Variants in PPP1R14C observed in about 807,000 individuals in gnomAD.
PPP1R14C encodes protein phosphatase 1 regulatory subunit 14C.
PPP1R14C carries 16 observed loss-of-function variants against 20.4 expected under a neutral mutation model. The observed-to-expected ratio is 0.78, with a 90% CI of 0.53 to 1.19. PPP1R14C has a LOEUF of 1.19. Among genes scored for constraint, PPP1R14C ranks in the 50% most tolerant of loss-of-function variants. The pLI is 0.00. For synonymous variants in PPP1R14C, 91 were observed against 91.0 expected (o/e 1.00, Z 0.00); for missense variants, 211 against 220.1 (o/e 0.96, Z 0.26).
chr6:150,205,953 T>C (rs916555207), intron 1 of PPP1R14C, among the ~76,000 whole-genome samples: 10 of 152,106 alleles, frequency 6.6e-5, no homozygotes, highest in African/African-American at 2.2e-4. Context: ...CCATAACCCA[T>C]CATGCCTCTG....
chr6:150,198,979 G>C (rs1336655390), intron 1 of PPP1R14C, among the ~76,000 whole-genome samples: 2 of 151,508 alleles, frequency 1.3e-5, no homozygotes, highest in African/African-American at 4.8e-5. Flanking sequence ...TCAGTGACCA[G>C]ACAGAAGTGG....
At position 150,185,496 on chromosome 6, in the gene PPP1R14C, A is replaced by G. The variant is rs1195429165; in HGVS notation, c.307-29248A>G. ...CACTACCATATTCCTAGCACTGAGCATAGAGTCTGACAGATGATGTGTGTG... is the reference window on the plus strand; with the variant it reads ...CACTACCATATTCCTAGCACTGAGCGTAGAGTCTGACAGATGATGTGTGTG... On this transcript the variant is annotated intron_variant, in intron 1 of 3. Transcript: ENST00000361131. The surrounding 1 kb of genome is among the most constrained non-coding windows in gnomAD (Gnocchi z 4.1). Among the ~76,000 whole-genome samples the G allele has an allele frequency of 2.0e-5, 3 of 152,182 alleles. No individual in the cohort carries two copies. Among genetic ancestry groups the G allele is most frequent in the Non-Finnish European group, 4.4e-5 (3 of 68,026 alleles).
At position 150,209,211 on chromosome 6, in the gene PPP1R14C, C is replaced by T. The variant is rs56831510; in HGVS notation, c.307-5533C>T. Among the ~76,000 whole-genome samples the T allele has an allele frequency of 1.6e-4, 24 of 152,326 alleles. No individual in the cohort carries two copies. The East Asian group carries it at 4.6e-3, about 29-fold the overall frequency. ...GGAGACGGATGAGAGCTGTTAGCCA[C>T]AGTCATTTCCAGGAAGCTGCCAAGC... On this transcript the variant is annotated intron_variant, in intron 1 of 3. Transcript: ENST00000361131.
intron 1 of PPP1R14C, among the ~76,000 whole-genome samples, chr6:150,192,944 AC>A (rs1378282987): frequency 1.3e-5 from 2 of 152,164 alleles, no homozygotes; most frequent in African/African-American, 4.8e-5. Context: ...CTAGAGGATG[AC>A]ATGGCACAGT....
intron 1 of PPP1R14C, among the ~76,000 whole-genome samples, chr6:150,162,055 TTTTTTC>T (rs1297341798): frequency 2.7e-5 from 2 of 72,732 alleles, no homozygotes; most frequent in South Asian, 8.6e-4. Flanking sequence ...TTTTCTTTTC[TTTTTTC>T]TTTTTTTTTT....
chr6:150,244,733 C>A, intron 3 of PPP1R14C, among the ~76,000 whole-genome samples: 1 of 152,152 alleles, frequency 6.6e-6, no homozygotes, highest in East Asian at 1.9e-4. Context: ...ATTGAATAGT[C>A]CAGGTCTAGA....
At chr6:150,231,578 A>G (rs538917000) in intron 3 of PPP1R14C, among the ~76,000 whole-genome samples, 1 of 152,326 alleles carries the variant, frequency 6.6e-6, no homozygotes, top group East Asian at 1.9e-4. Flanking sequence ...TCATTTGTAC[A>G]ATCCTTTACT....
At chr6:150,169,156 C>T (rs887682408) in intron 1 of PPP1R14C, among the ~76,000 whole-genome samples, 3 of 152,210 alleles carry the variant, frequency 2.0e-5, no homozygotes, top group Non-Finnish European at 4.4e-5. Flanking sequence ...GGATTACAGG[C>T]GTGAGCCACC....
chr6:150,213,346 A>ACACACACAC (rs1562271283), intron 1 of PPP1R14C, among the ~76,000 whole-genome samples: 5 of 149,306 alleles, frequency 3.3e-5, no homozygotes, highest in East Asian at 2.0e-4. Flanking sequence ...TTTGTGTTGT[A>ACACACACAC]ACACACACAC....
chr6:150,175,007 G>C (rs1357293164), intron 1 of PPP1R14C, among the ~76,000 whole-genome samples: 3 of 149,142 alleles, frequency 2.0e-5, no homozygotes, highest in Non-Finnish European at 4.5e-5. Flanking sequence ...TTTCTTTTTT[G>C]CTCTCATATT....
intron 1 of PPP1R14C, among the ~76,000 whole-genome samples, chr6:150,162,653 G>A (rs570488027): frequency 2.0e-5 from 3 of 152,318 alleles, no homozygotes; most frequent in Non-Finnish European, 2.9e-5. Flanking sequence ...GTATAAACAC[G>A]TGTGGGTGGA....
intron 3 of PPP1R14C, among the ~76,000 whole-genome samples, chr6:150,234,101 C>T (rs575403098): frequency 6.6e-6 from 1 of 152,220 alleles, no homozygotes; most frequent in African/African-American, 2.4e-5. Context: ...TATGTCAAAA[C>T]AATGTGGAAC....
intron 2 of PPP1R14C, 98 bp downstream of exon 2, chr6:150,214,925 G>T: frequency 1.2e-6 from 1 of 841,706 alleles, no homozygotes; most frequent in South Asian, 1.7e-5. Flanking sequence ...GCCCTGTGGT[G>T]GTGTTGGCAC....
intron 1 of PPP1R14C, among the ~76,000 whole-genome samples, chr6:150,163,603 A>G (rs1030300875): frequency 2.0e-5 from 3 of 152,038 alleles, no homozygotes; most frequent in Non-Finnish European, 4.4e-5. Context: ...TCATCTGATT[A>G]ATTTTACCTT....
chr6:150,228,893 G>A (rs1001669663), intron 3 of PPP1R14C, among the ~76,000 whole-genome samples: 4 of 152,056 alleles, frequency 2.6e-5, no homozygotes, highest in Non-Finnish European at 4.4e-5. Flanking sequence ...TTGCTTTTGG[G>A]TGCCTTCTTT....
intron 1 of PPP1R14C, among the ~76,000 whole-genome samples, chr6:150,179,842 T>G (rs1289758483): frequency 6.6e-6 from 1 of 152,180 alleles, no homozygotes; most frequent in Non-Finnish European, 1.5e-5. Flanking sequence ...AGACTCTGTT[T>G]TTTGGTTTTT....
intron 1 of PPP1R14C, among the ~76,000 whole-genome samples, chr6:150,165,322 A>T (rs1777411394): frequency 6.6e-6 from 1 of 152,242 alleles, no homozygotes; most frequent in African/African-American, 2.4e-5. Context: ...GTTTTAAAAT[A>T]TCTGGGCTCC....
chr6:150,144,831 T>C (rs1777164497), intron 1 of PPP1R14C, among the ~76,000 whole-genome samples: 1 of 152,222 alleles, frequency 6.6e-6, no homozygotes, highest in Non-Finnish European at 1.5e-5. Flanking sequence ...TTTAATTGCA[T>C]AAATAAAAAC....
chr6:150,212,552 C>T (rs1329613946), intron 1 of PPP1R14C, among the ~76,000 whole-genome samples: 1 of 152,148 alleles, frequency 6.6e-6, no homozygotes, highest in Non-Finnish European at 1.5e-5. Flanking sequence ...TGCTGTTCTG[C>T]GGAGGGCATT....
Sources: gnomAD v4.1 joint callset for allele counts (sites outside exome capture counted in the v4.1 genomes callset) on GRCh38, gnomAD v4.1.1 for gene constraint, Gnocchi (gnomAD v3.1) non-coding constraint, MANE v1.5 for transcripts, NCBI Gene and HGNC (gene_info 2026-07-23, HGNC 2026-07-21) for gene names.